The following HSPA14 variants were observed in gnomAD, a reference collection of about 807,000 sequenced individuals.
HSPA14 encodes heat shock 70 kDa protein 14.
A neutral mutation model predicts 65.5 loss-of-function variants in HSPA14; 37 were observed. The observed-to-expected ratio is 0.56, with a 90% CI of 0.43 to 0.74. The LOEUF (loss-of-function observed/expected upper bound fraction) is 0.74. HSPA14 is among the 30% of genes least tolerant of loss of function. The probability of loss-of-function intolerance (pLI) is 0.00; values close to 1 mark genes in which losing one functional copy is unlikely to be tolerated. For missense variants in HSPA14, 564 were observed against 607.6 expected, an observed-to-expected ratio of 0.93 and a Z score of 0.75; for synonymous variants, 203 against 214.2, an observed-to-expected ratio of 0.95 and a Z score of 0.46.
At chr10:14,866,366 G>T (rs1342975795) in intron 10 of HSPA14, among the ~76,000 whole-genome samples, 1 of 152,188 alleles carries the variant, frequency 6.6e-6, no homozygotes, top group South Asian at 2.1e-4. Flanking sequence ...CTGCCTCAGT[G>T]AGCGGTGAGA....
intron 1 of HSPA14, 25 bp from the exon 2 acceptor site, chr10:14,839,878 CTA>C (rs769672495): frequency 1.5e-5 from 24 of 1,571,748 alleles, no homozygotes; most frequent in Non-Finnish European, 1.8e-5. Context: ...TCTAATGAGA[CTA>C]TGTATTTCGT....
rs762612115 is a variant in HSPA14, at chr10:14,867,207, T to C, written c.1118T>C (p.Ile373Thr). 1.2e-6 allele frequency: 2 copies of C among 1,613,624 alleles called. No individual in the cohort carries two copies. The highest frequency in any genetic ancestry group is 1.3e-5 in the African/African-American group (1 of 75,046). The change falls in exon 11 of 14, where the codon ATA becomes ACA. Residue 373 changes from isoleucine (I) to threonine (T), a missense_variant. By Grantham distance (89) the Ile-to-Thr change is moderately conservative (BLOSUM62 -1). Coordinates refer to ENST00000378372, the MANE Select transcript of HSPA14 (RefSeq NM_016299.4). ...PDEVIPIGAA[I>T]EAGILIGKEN... Reference sequence around the variant, plus strand: ...GAAGTGATCCCTATTGGTGCAGCTATAGAAGCAGGAATTCTTATTGGGAAA... The same window carrying C: ...GAAGTGATCCCTATTGGTGCAGCTACAGAAGCAGGAATTCTTATTGGGAAA...
chr10:14,867,614 T>C (rs1398212882), intron 11 of HSPA14, 122 bp from the exon 12 acceptor site: 67 of 816,330 alleles, frequency 8.2e-5, no homozygotes, highest in Non-Finnish European at 2.0e-6. Flanking sequence ...ATTTCTATTT[T>C]CTTCTCTTTG....
intron 3 of HSPA14, among the ~76,000 whole-genome samples, chr10:14,841,910 C>T (rs924842839): frequency 6.6e-6 from 1 of 152,216 alleles, no homozygotes; most frequent in Non-Finnish European, 1.5e-5. Flanking sequence ...TTTTACAGAT[C>T]CATTGTTGTA....
chr10:14,864,223 C>CT (rs1832783955), intron 10 of HSPA14, among the ~76,000 whole-genome samples: 2 of 129,934 alleles, frequency 1.5e-5, no homozygotes, highest in South Asian at 4.8e-4. Context: ...GGGCAAGACT[C>CT]TGTCTCCGGA....
At position 14,864,296 on chromosome 10, in the gene HSPA14, T is replaced by C. The variant is rs376310248; in HGVS notation, c.994-2787T>C. On this transcript the variant is annotated intron_variant, in intron 10 of 13. Coordinates refer to ENST00000378372, the MANE Select transcript of HSPA14 (RefSeq NM_016299.4). ...TTTTTTTTTTTTGGTTTTCTTTGTTTTTTTGCATAGCACCACTTACTTTTT... is the reference window on the plus strand; with the variant it reads ...TTTTTTTTTTTTGGTTTTCTTTGTTCTTTTGCATAGCACCACTTACTTTTT... Among the ~76,000 whole-genome samples, 179 of 151,090 alleles carry C rather than the reference T, an allele frequency of 1.2e-3. No individual in the cohort carries two copies. The Middle Eastern group carries it at 0.014, about 12-fold the overall frequency.
chr10:14,857,308 G>A (rs544504625), intron 10 of HSPA14, among the ~76,000 whole-genome samples: 1 of 152,154 alleles, frequency 6.6e-6, no homozygotes, highest in Non-Finnish European at 1.5e-5. Context: ...AAAATACTAG[G>A]TCAAGAATAA....
chr10:14,848,716 A>G (rs1834084408), intron 4 of HSPA14, 59 bp downstream of exon 4: 2 of 1,473,420 alleles, frequency 1.4e-6, no homozygotes. Context: ...AGGTGATAAC[A>G]TGGAATGTTG....
rs567409809 is a variant in HSPA14, at chr10:14,843,468, G to T, written c.221+3311G>T. ...GCAGCCCCATGGCCAGACTGGGTGT[G>T]TCCGGGGAGCCCAGCCCCTGCACCA... On this transcript the variant is annotated intron_variant, in intron 3 of 13. Transcript: ENST00000378372. 1.4e-4 allele frequency: 224 copies of T among 1,550,620 alleles called. 1 individual carries two copies. In the African/African-American group the frequency reaches 2.4e-3, roughly 17 times the overall value.
In HSPA14 at chr10:14,869,417, C is replaced by T. The variant is rs573219289; in HGVS notation, c.1381-1180C>T. 1.9e-4 allele frequency among the ~76,000 whole-genome samples: 29 copies of T among 152,052 alleles called. No homozygotes were observed. In the South Asian group the frequency reaches 5.2e-3, roughly 27 times the overall value. On this transcript the variant is annotated intron_variant, in intron 12 of 13. Coordinates refer to ENST00000378372, the MANE Select transcript of HSPA14 (RefSeq NM_016299.4). ...GTTCAACTGATTCTCCTGCCTCAGC[C>T]TCCGGAGTAGCTGGGACTACAGGCA...
chr10:14,844,376 A>G, intron 3 of HSPA14: 19 of 1,020,264 alleles, frequency 1.9e-5, no homozygotes, highest in Non-Finnish European at 2.0e-5. Flanking sequence ...ATACAGAAGT[A>G]TGGATATATA....
intron 12 of HSPA14, among the ~76,000 whole-genome samples, chr10:14,869,232 C>CGTGTGTGTGTGTGTGTGTGTGTGTGT (rs68155495): frequency 6.9e-6 from 1 of 144,722 alleles, no homozygotes; most frequent in Non-Finnish European, 1.5e-5. Context: ...TGTACGTGTA[C>CGTGTGTGTGTGTGTGTGTGTGTGTGT]GTGTGTGTGT....
chr10:14,868,266 A>G (rs993211038), intron 12 of HSPA14, among the ~76,000 whole-genome samples: 1 of 152,196 alleles, frequency 6.6e-6, no homozygotes, highest in African/African-American at 2.4e-5. Context: ...GGCCTGTGAT[A>G]GCAAATACCC....
In HSPA14 at chr10:14,867,744, C is replaced by T. The variant is rs866225913; in HGVS notation, c.1215C>T (p.Asp405=). The change falls in exon 12 of 14, where the codon GAC becomes GAT. Residue 405 remains aspartate, a synonymous_variant. Transcript: ENST00000378372. ...SARDILVKGV[D]ESGASRFTVL... The stretch of plus-strand genomic sequence containing the variant: ...TGTTTCCTGCTAACTAGGGTGTGGA[C>T]GAATCAGGAGCCAGTAGATTCACAG... 1.7e-5 allele frequency: 27 copies of T among 1,612,764 alleles called. No individual in the cohort carries two copies. The highest frequency in any genetic ancestry group is 5.0e-5 in the Admixed American group (3 of 59,732).
chr10:14,842,754 A>C lies in HSPA14; in HGVS notation c.221+2597A>C. On this transcript the variant is annotated intron_variant, in intron 3 of 13. Coordinates refer to ENST00000378372, the MANE Select transcript of HSPA14 (RefSeq NM_016299.4). The surrounding 1 kb of genome is among the most constrained non-coding windows in gnomAD (Gnocchi z 5.2). ...CATCAGCCTATCTTGAAAACAGTTA[A>C]GGCATCAGATGAGGATTGTCAGCTA... 3.9e-6 allele frequency: 6 copies of C among 1,536,580 alleles called. No homozygotes were observed. Among genetic ancestry groups the C allele is most frequent in the Non-Finnish European group, 5.2e-6 (6 of 1,146,998 alleles).
At chr10:14,851,014 G>T in intron 6 of HSPA14, 2 of 458,032 alleles carry the variant, frequency 4.4e-6, no homozygotes, top group Admixed American at 4.0e-5. Context: ...TATGGGCTCT[G>T]AACATTACAA....
At chr10:14,854,090 A>T (rs1834127789) in intron 8 of HSPA14, 35 bp from the exon 9 acceptor site, 1 of 1,536,838 alleles carries the variant, frequency 6.5e-7, no homozygotes, top group Non-Finnish European at 8.8e-7. Flanking sequence ...ATGGCCCAGT[A>T]ATTTTAAACC....
intron 3 of HSPA14, chr10:14,845,595 ATTATT>A (rs2131638161): frequency 1.1e-6 from 1 of 909,182 alleles, no homozygotes; most frequent in Admixed American, 6.3e-5. Context: ...TTCTATTATT[ATTATT>A]TTTTTTTTTT....
At chr10:14,866,363 A>G (rs983271781) in intron 10 of HSPA14, among the ~76,000 whole-genome samples, 1 of 152,192 alleles carries the variant, frequency 6.6e-6, no homozygotes, top group Non-Finnish European at 1.5e-5. Flanking sequence ...CCTCTGCCTC[A>G]GTGAGCGGTG....
Sources: allele counts gnomAD v4.1 joint callset (sites outside exome capture counted in the v4.1 genomes callset), GRCh38; gene constraint gnomAD v4.1.1; non-coding constraint Gnocchi (gnomAD v3.1); transcripts MANE v1.5; gene names NCBI Gene and HGNC (gene_info 2026-07-23, HGNC 2026-07-21).